Variants in LYPD6B observed in about 807,000 individuals in gnomAD.
LYPD6B encodes the protein ly6/PLAUR domain-containing protein 6B.
LYPD6B carries 17 observed loss-of-function variants against 22.8 expected under a neutral mutation model. The ratio of observed to expected loss-of-function variants is 0.75; its 90% confidence interval spans 0.51 to 1.12. The LOEUF is 1.12. Ranked by LOEUF, LYPD6B falls within the 50% of genes most tolerant of loss-of-function variation. The probability of loss-of-function intolerance (pLI) is 0.00; values close to 1 mark genes in which losing one functional copy is unlikely to be tolerated. For synonymous variants in LYPD6B, 106 were observed against 91.6 expected (o/e 1.16, Z -0.90); for missense variants, 221 against 258.3 (o/e 0.86, Z 0.99).
chr2:149,150,987 G>A (rs1405336552), intron 2 of LYPD6B, among the ~76,000 whole-genome samples: 1 of 151,856 alleles, frequency 6.6e-6, no homozygotes, highest in Non-Finnish European at 1.5e-5. Flanking sequence ...AAGAAATATT[G>A]CATCTGTAAA....
chr2:149,049,567 T>C (rs13422687), intron 1 of LYPD6B, among the ~76,000 whole-genome samples: 4,909 of 152,264 alleles, frequency 0.032, 265 homozygotes, highest in African/African-American at 0.11. Flanking sequence ...TGCTCTTGTG[T>C]CTGGTGTAAA....
At chr2:149,087,159 A>C (rs920161227) in intron 1 of LYPD6B, among the ~76,000 whole-genome samples, 5 of 152,184 alleles carry the variant, frequency 3.3e-5, no homozygotes, top group African/African-American at 9.7e-5. Flanking sequence ...AAATATTAAA[A>C]ATCATGAATA....
At chr2:149,213,501 A>C (rs924172845) in intron 6 of LYPD6B, among the ~76,000 whole-genome samples, 1 of 152,242 alleles carries the variant, frequency 6.6e-6, no homozygotes, top group African/African-American at 2.4e-5. Context: ...GTTTAATATG[A>C]TGAACTGTAG....
intron 1 of LYPD6B, among the ~76,000 whole-genome samples, chr2:149,124,792 A>G (rs1687593723): frequency 6.6e-6 from 1 of 152,118 alleles, no homozygotes; most frequent in South Asian, 2.1e-4. Context: ...CGAATTCTAC[A>G]AGTTAGGTTC....
intron 3 of LYPD6B, chr2:149,200,484 G>C (rs1265150795): frequency 6.6e-6 from 1 of 151,634 alleles, no homozygotes; most frequent in African/African-American, 2.4e-5. Flanking sequence ...TATCTACTGA[G>C]TATCTAGCAT....
intron 3 of LYPD6B, among the ~76,000 whole-genome samples, chr2:149,175,501 T>C (rs1390104699): frequency 6.6e-6 from 1 of 152,160 alleles, no homozygotes; most frequent in Non-Finnish European, 1.5e-5. Context: ...AAAAACACTA[T>C]ACTTAGGCTA....
intron 1 of LYPD6B, among the ~76,000 whole-genome samples, chr2:149,124,980 G>C (rs1687607377): frequency 6.6e-6 from 1 of 152,196 alleles, no homozygotes; most frequent in South Asian, 2.1e-4. Flanking sequence ...TTACAAAGAA[G>C]CCTTTGAAGG....
intron 1 of LYPD6B, among the ~76,000 whole-genome samples, chr2:149,116,475 A>G (rs1478888957): frequency 1.3e-5 from 2 of 152,300 alleles, no homozygotes; most frequent in East Asian, 3.9e-4. Context: ...AATTGTGATT[A>G]TTAGTGAGAT....
At chr2:149,156,323 G>A (rs1240535454) in intron 2 of LYPD6B, among the ~76,000 whole-genome samples, 1 of 152,152 alleles carries the variant, frequency 6.6e-6, no homozygotes, top group Non-Finnish European at 1.5e-5. Flanking sequence ...GGGAATGAAT[G>A]ACAGTGAGGT....
chr2:149,073,288 C>T (rs896222956), intron 1 of LYPD6B, among the ~76,000 whole-genome samples: 2 of 152,196 alleles, frequency 1.3e-5, no homozygotes, highest in South Asian at 4.1e-4. Flanking sequence ...GGCAGAGGCA[C>T]CCTGACAGCT....
intron 1 of LYPD6B, among the ~76,000 whole-genome samples, chr2:149,054,555 C>T (rs1683701825): frequency 6.6e-6 from 1 of 152,088 alleles, no homozygotes; most frequent in African/African-American, 2.4e-5. Flanking sequence ...TCTTTTCATT[C>T]TCTTAGTAGT....
At chr2:149,157,693 G>A (rs1403562172) in intron 2 of LYPD6B, among the ~76,000 whole-genome samples, 4 of 152,188 alleles carry the variant, frequency 2.6e-5, no homozygotes, top group African/African-American at 4.8e-5. Flanking sequence ...CGTTGAAGGT[G>A]AAGACCAGCA....
chr2:149,112,868 T>C (rs1686825551), intron 1 of LYPD6B, among the ~76,000 whole-genome samples: 1 of 152,200 alleles, frequency 6.6e-6, no homozygotes, highest in Non-Finnish European at 1.5e-5. Context: ...ATGGTTATTT[T>C]CCATTCAGTA....
At chr2:149,092,964 A>G (rs1043589864) in intron 1 of LYPD6B, among the ~76,000 whole-genome samples, 3 of 152,138 alleles carry the variant, frequency 2.0e-5, no homozygotes, top group Non-Finnish European at 4.4e-5. Flanking sequence ...TTGGATTGGG[A>G]GGAGGGAATA....
At chr2:149,126,244 T>A (rs1292895755) in intron 1 of LYPD6B, among the ~76,000 whole-genome samples, 1 of 152,168 alleles carries the variant, frequency 6.6e-6, no homozygotes, top group Non-Finnish European at 1.5e-5. Context: ...TCTCTAGATG[T>A]GGAATATAGT....
In LYPD6B at chr2:149,190,663, G is replaced by T. The variant is rs943085716; in HGVS notation, c.78-14590G>T. On this transcript the variant is annotated intron_variant, in intron 3 of 6. Transcript: ENST00000409642. ...TCTCCTATTCAAAAGATGCTCAGCT[G>T]TTCTCATGACATTTAAGGGCCATTT... 4.5e-4 allele frequency among the ~76,000 whole-genome samples: 69 copies of T among 152,198 alleles called. 1 individual carries two copies. Among genetic ancestry groups the T allele is most frequent in the African/African-American group, 1.4e-3 (59 of 41,538 alleles).
intron 3 of LYPD6B, among the ~76,000 whole-genome samples, chr2:149,182,381 A>C (rs1279906168): frequency 6.6e-6 from 1 of 152,192 alleles, no homozygotes; most frequent in African/African-American, 2.4e-5. Context: ...GATCTGTTTA[A>C]TAGAACTTTG....
At chr2:149,198,929 T>C (rs1051526646) in intron 3 of LYPD6B, among the ~76,000 whole-genome samples, 3 of 152,198 alleles carry the variant, frequency 2.0e-5, no homozygotes, top group Non-Finnish European at 4.4e-5. Flanking sequence ...ACCTTGGCAG[T>C]CATTCATTCC....
At chr2:149,080,222 C>T (rs772821272) in intron 1 of LYPD6B, among the ~76,000 whole-genome samples, 2 of 152,188 alleles carry the variant, frequency 1.3e-5, no homozygotes, top group Non-Finnish European at 2.9e-5. Context: ...ACTTCCTATG[C>T]TTGTGGCCGC....
Sources: allele counts gnomAD v4.1 joint callset (sites outside exome capture counted in the v4.1 genomes callset), GRCh38; gene constraint gnomAD v4.1.1; transcripts MANE v1.5; gene names NCBI Gene and HGNC (gene_info 2026-07-23, HGNC 2026-07-21).